The following BBS9 variants were observed in gnomAD, a reference collection of about 807,000 sequenced individuals.
BBS9 encodes the protein Bardet-Biedl syndrome 9, also known as protein PTHB1.
In BBS9, 89 loss-of-function variants were observed where a neutral mutation model predicts 117.7. The observed-to-expected ratio is 0.76, with a 90% confidence interval of 0.64 to 0.90. The LOEUF (loss-of-function observed/expected upper bound fraction) is 0.90. BBS9 is among the 40% of genes least tolerant of loss of function. BBS9 has a pLI of 0.00. For synonymous variants in BBS9, 379 were observed against 370.9 expected (o/e 1.02, Z -0.25); for missense variants, 982 against 1,042.2 (o/e 0.94, Z 0.80).
At chr7:33,605,024 G>A (rs1478655776) in intron 22 of BBS9, 49 bp downstream of exon 22, 6 of 1,527,148 alleles carry the variant, frequency 3.9e-6, no homozygotes, top group African/African-American at 1.4e-5. Flanking sequence ...CAGAAGCAGT[G>A]ACAATCTGGT....
chr7:33,208,758 A>G (rs1188346148), intron 5 of BBS9, among the ~76,000 whole-genome samples: 1 of 151,884 alleles, frequency 6.6e-6, no homozygotes, highest in African/African-American at 2.4e-5. Flanking sequence ...GGTAGGGGGA[A>G]GTGGGTGACC....
Position 33,600,230 on chromosome 7 carries a change from G to A in BBS9, c.2522-4635G>A, listed in dbSNP as rs1232757966. Among the ~76,000 whole-genome samples the A allele has an allele frequency of 3.3e-5, 5 of 152,170 alleles. No individual in the cohort carries two copies. The East Asian group carries it at 9.6e-4, about 29-fold the overall frequency. ...TGTTACCTGACATTCACAAAGTGTT[G>A]AGAAACTTTTGTAGCAATTGAAAGG... On this transcript the variant is annotated intron_variant, in intron 21 of 22. Coordinates refer to ENST00000242067, the MANE Select transcript of BBS9 (RefSeq NM_198428.3).
intron 19 of BBS9, among the ~76,000 whole-genome samples, chr7:33,503,818 G>A (rs920132085): frequency 1.3e-5 from 2 of 152,082 alleles, no homozygotes; most frequent in Non-Finnish European, 2.9e-5. Context: ...GGAGGAACAC[G>A]ATTCCAGGTG....
chr7:33,201,097 C>T (rs1188154504), intron 5 of BBS9, among the ~76,000 whole-genome samples: 1 of 152,124 alleles, frequency 6.6e-6, no homozygotes, highest in Non-Finnish European at 1.5e-5. Flanking sequence ...TGTTTTCTTA[C>T]TCTAGAGGTT....
intron 21 of BBS9, among the ~76,000 whole-genome samples, chr7:33,601,742 T>C (rs545650829): frequency 1.3e-5 from 2 of 152,254 alleles, no homozygotes; most frequent in Admixed American, 1.3e-4. Flanking sequence ...TGCCATTTTC[T>C]TTTTGCAAGA....
intron 9 of BBS9, among the ~76,000 whole-genome samples, chr7:33,330,366 T>G (rs1309730955): frequency 6.6e-6 from 1 of 152,202 alleles, no homozygotes; most frequent in African/African-American, 2.4e-5. Context: ...GAACTTCACA[T>G]GGTTTAACTT....
chr7:33,227,610 A>G (rs990001247), intron 5 of BBS9, among the ~76,000 whole-genome samples: 3 of 151,958 alleles, frequency 2.0e-5, no homozygotes, highest in African/African-American at 7.3e-5. Context: ...CCTTCACCCC[A>G]TTCCCAACCT....
At chr7:33,331,780 A>T (rs1329741115) in intron 9 of BBS9, among the ~76,000 whole-genome samples, 1 of 152,094 alleles carries the variant, frequency 6.6e-6, no homozygotes, top group Non-Finnish European at 1.5e-5. Context: ...AAACTGCAAA[A>T]CACTGCTGGA....
At chr7:33,616,451 A>G (rs1282535904) in intron 21 of BBS9, among the ~76,000 whole-genome samples, 1 of 148,428 alleles carries the variant, frequency 6.7e-6, no homozygotes, top group African/African-American at 2.5e-5. Context: ...AAAAAGTTAC[A>G]TATATGTTAT....
At chr7:33,536,674 T>TGGGCCTTCCCCC (rs1851421014) in intron 21 of BBS9, among the ~76,000 whole-genome samples, 1 of 1,658 alleles carries the variant, frequency 6.0e-4, no homozygotes, top group Non-Finnish European at 1.8e-3. Flanking sequence ...GTTCTGTGAT[T>TGGGCCTTCCCCC]CGGCCTTCCC....
In BBS9 at chr7:33,239,455, GC is replaced by G. The variant is rs540748840; in HGVS notation, c.443-17780del. Among the ~76,000 whole-genome samples the G allele has an allele frequency of 2.0e-4, 31 of 151,940 alleles. 1 individual carries two copies. The South Asian group carries it at 4.6e-3, about 22-fold the overall frequency. On this transcript the variant is annotated intron_variant, in intron 5 of 22. Coordinates refer to ENST00000242067, the MANE Select transcript of BBS9 (RefSeq NM_198428.3). ...AGACAGAGTCTTGCTCTGTCACCAG[GC>G]TGGAGTGCAGTGGTGCAATCTCGGC...
intron 21 of BBS9, among the ~76,000 whole-genome samples, chr7:33,554,625 G>T (rs561854422): frequency 6.6e-6 from 1 of 152,126 alleles, no homozygotes; most frequent in African/African-American, 2.4e-5. Context: ...GGGCAGAATC[G>T]AAGACTCAGT....
chr7:33,525,038 T>C lies in BBS9; in HGVS notation c.2299-8916T>C, dbSNP rs576648903. 3.4e-3 allele frequency among the ~76,000 whole-genome samples: 512 copies of C among 151,988 alleles called. 4 individuals are homozygous for C. Among genetic ancestry groups the C allele is most frequent in the African/African-American group, 0.012 (486 of 41,528 alleles). On this transcript the variant is annotated intron_variant, in intron 20 of 22. Transcript: ENST00000242067. The stretch of plus-strand genomic sequence containing the variant: ...AGTCATTCAGGAGCAGGTTGTTCAG[T>C]TTCCATGTAGTTGAGCGGTTTTGAG...
intron 9 of BBS9, among the ~76,000 whole-genome samples, chr7:33,300,066 A>G (rs953078196): frequency 6.6e-6 from 1 of 152,204 alleles, no homozygotes; most frequent in African/African-American, 2.4e-5. Flanking sequence ...CCGTTCCTGT[A>G]TCTGAAAGGG....
At chr7:33,303,092 CTA>C (rs1183920118) in intron 9 of BBS9, among the ~76,000 whole-genome samples, 3 of 152,064 alleles carry the variant, frequency 2.0e-5, no homozygotes, top group Non-Finnish European at 4.4e-5. Flanking sequence ...TATATAAATG[CTA>C]CTGATTTTTG....
chr7:33,462,862 C>T (rs1311599080), intron 19 of BBS9, among the ~76,000 whole-genome samples: 1 of 151,998 alleles, frequency 6.6e-6, no homozygotes, highest in Non-Finnish European at 1.5e-5. Context: ...GTCATGAAGC[C>T]ATACTCTGTC....
chr7:33,529,692 C>A (rs910511042), intron 20 of BBS9, among the ~76,000 whole-genome samples: 1 of 152,000 alleles, frequency 6.6e-6, no homozygotes. Context: ...ACAGGTCAAC[C>A]TGGAATTTAC....
chr7:33,470,241 T>C (rs766080119), intron 19 of BBS9, among the ~76,000 whole-genome samples: 4 of 151,946 alleles, frequency 2.6e-5, no homozygotes, highest in Non-Finnish European at 5.9e-5. Flanking sequence ...TTTACATTTA[T>C]TTTCATATTA....
chr7:33,546,168 C>T (rs1048481614), intron 21 of BBS9, among the ~76,000 whole-genome samples: 1 of 151,930 alleles, frequency 6.6e-6, no homozygotes, highest in East Asian at 1.9e-4. Flanking sequence ...CTTCTGACCT[C>T]GTGATCCGCC....
Sources: gnomAD v4.1 joint callset for allele counts (sites outside exome capture counted in the v4.1 genomes callset) on GRCh38, gnomAD v4.1.1 for gene constraint, MANE v1.5 for transcripts, NCBI Gene and HGNC (gene_info 2026-07-23, HGNC 2026-07-21) for gene names.